SLC9B2: variants seen among roughly 807,000 people sequenced by gnomAD.
The protein encoded by SLC9B2 is sodium/hydrogen exchanger 9B2.
In SLC9B2, 39 loss-of-function variants were observed where a neutral mutation model predicts 52.2. The observed-to-expected ratio is 0.75, with a 90% CI of 0.58 to 0.98. SLC9B2 has a LOEUF of 0.98. Ranked by LOEUF, SLC9B2 falls within the 50% of genes least tolerant of loss-of-function variation. The probability of loss-of-function intolerance (pLI) is 0.00; values close to 1 mark genes in which losing one functional copy is unlikely to be tolerated. For missense variants in SLC9B2, 626 were observed against 637.5 expected (o/e 0.98, Z 0.19); for synonymous variants, 214 against 227.0 (o/e 0.94, Z 0.51).
intron 8 of SLC9B2, among the ~76,000 whole-genome samples, chr4:103,044,164 G>A (rs988064816): frequency 6.6e-6 from 1 of 152,132 alleles, no homozygotes; most frequent in African/African-American, 2.4e-5. Context: ...CAGTTCCACC[G>A]CTTTCTAGCT....
chr4:103,063,771 G>C (rs906434711), intron 3 of SLC9B2, among the ~76,000 whole-genome samples: 2 of 152,192 alleles, frequency 1.3e-5, no homozygotes, highest in South Asian at 4.1e-4. Context: ...CAGAATGGGA[G>C]AGAGCAGTTG....
intron 3 of SLC9B2, among the ~76,000 whole-genome samples, chr4:103,064,737 A>C (rs566654169): frequency 1.6e-3 from 251 of 152,356 alleles, no homozygotes; most frequent in Admixed American, 2.9e-3. Context: ...TTGAAACATC[A>C]TATTGTACCC....
chr4:103,045,233 T>G (rs1464452585), intron 7 of SLC9B2, among the ~76,000 whole-genome samples: 1 of 152,162 alleles, frequency 6.6e-6, no homozygotes, highest in East Asian at 1.9e-4. Flanking sequence ...AAAATTATAT[T>G]AAAGTTTCTC....
chr4:103,061,156 C>T (rs555447882), intron 3 of SLC9B2, among the ~76,000 whole-genome samples: 1 of 152,310 alleles, frequency 6.6e-6, no homozygotes, highest in South Asian at 2.1e-4. Context: ...CATCCCATTA[C>T]TGGTATATAC....
chr4:103,062,655 T>C (rs1177088901), intron 3 of SLC9B2, among the ~76,000 whole-genome samples: 1 of 152,206 alleles, frequency 6.6e-6, no homozygotes, highest in African/African-American at 2.4e-5. Flanking sequence ...AGTTTCACTC[T>C]TGTCACCCAG....
Position 103,023,992 on chromosome 4 carries a change from C to T in SLC9B2, c.*2378G>A, listed in dbSNP as rs1403224145. Among the ~76,000 whole-genome samples, 2 of 152,138 alleles carry T rather than the reference C, an allele frequency of 1.3e-5. No individual in the cohort carries two copies. The highest frequency in any genetic ancestry group is 2.9e-5 in the Non-Finnish European group (2 of 68,030). ...TTACATCCCTTTTGCTGGCTAAGTCCTAATCTTCCCTCAGCCAATGCCCTA... is the reference window on the plus strand; with the variant it reads ...TTACATCCCTTTTGCTGGCTAAGTCTTAATCTTCCCTCAGCCAATGCCCTA... On this transcript the variant is annotated 3_prime_UTR_variant, in exon 12 of 12. Coordinates refer to ENST00000394785, the MANE Select transcript of SLC9B2 (RefSeq NM_178833.7).
chr4:103,061,497 C>T (rs560678988), intron 3 of SLC9B2, among the ~76,000 whole-genome samples: 26 of 151,688 alleles, frequency 1.7e-4, no homozygotes, highest in East Asian at 3.9e-4. Context: ...TATCACACAC[C>T]GGGGCCTGTT....
intron 3 of SLC9B2, among the ~76,000 whole-genome samples, chr4:103,061,831 G>A (rs1442088059): frequency 6.6e-6 from 1 of 152,066 alleles, no homozygotes; most frequent in Non-Finnish European, 1.5e-5. Context: ...TGATGTCCTT[G>A]GTTTGTGACA....
At position 103,022,888 on chromosome 4, in the gene SLC9B2, G is replaced by A. The variant is rs1244484534; in HGVS notation, c.*3482C>T. Among the ~76,000 whole-genome samples the A allele has an allele frequency of 6.6e-6, 1 of 152,180 alleles. No individual in the cohort carries two copies. Among genetic ancestry groups the A allele is most frequent in the Non-Finnish European group, 1.5e-5 (1 of 68,034 alleles). On this transcript the variant is annotated 3_prime_UTR_variant, in exon 12 of 12. Transcript: ENST00000394785. ...TACCCTTATAAGAAGAGACACCAGAGAGCTTGCTTGCTCTCTCTCGGCATC... is the reference window on the plus strand; with the variant it reads ...TACCCTTATAAGAAGAGACACCAGAAAGCTTGCTTGCTCTCTCTCGGCATC...
chr4:103,043,074 C>T (rs1045317588), intron 9 of SLC9B2, among the ~76,000 whole-genome samples: 1 of 151,580 alleles, frequency 6.6e-6, no homozygotes, highest in African/African-American at 2.4e-5. Context: ...GAAGGCATTA[C>T]GGTAGTATGA....
Position 103,028,778 on chromosome 4 carries a change from G to A in SLC9B2, c.1361C>T (p.Ser454Phe), listed in dbSNP as rs1041815919. The A allele has an allele frequency of 6.2e-7, 1 of 1,608,050 alleles. No homozygotes were observed. ...GFNLKEKIFISFAWLPKATVQ... is the reference protein window; with the variant it reads ...GFNLKEKIFIFFAWLPKATVQ... ...TGTGGCCTTTGGAAGCCATGCAAAA[G>A]AAATAAATATCTTTTCTTTTAAGTT... The change falls in exon 11 of 12, where the codon TCT (serine) becomes TTT (phenylalanine). Residue 454 changes from serine (S) to phenylalanine (F), a missense_variant. Transcript: ENST00000394785.
At chr4:103,021,721 G>A (rs1195404866), downstream of SLC9B2, among the ~76,000 whole-genome samples, 1 of 152,168 alleles carries the variant, frequency 6.6e-6, no homozygotes, top group Non-Finnish European at 1.5e-5. Context: ...TTTAGCCAAT[G>A]ATCTATTTAG....
intron 9 of SLC9B2, among the ~76,000 whole-genome samples, chr4:103,041,558 T>G (rs1743644647): frequency 6.6e-6 from 1 of 152,178 alleles, no homozygotes; most frequent in Admixed American, 6.5e-5. Flanking sequence ...CTCCTTCATT[T>G]CTCTGTTGCT....
chr4:103,067,816 C>T (rs1746282265), intron 1 of SLC9B2, among the ~76,000 whole-genome samples: 1 of 152,032 alleles, frequency 6.6e-6, no homozygotes, highest in Admixed American at 6.6e-5. Flanking sequence ...CCTTTGTTGA[C>T]CAATCACATT....
At chr4:103,040,029 G>T (rs1423437592) in intron 9 of SLC9B2, among the ~76,000 whole-genome samples, 2 of 151,878 alleles carry the variant, frequency 1.3e-5, no homozygotes, top group Non-Finnish European at 2.9e-5. Flanking sequence ...GTATTTGTAG[G>T]CCTTGGTTTC....
intron 9 of SLC9B2, among the ~76,000 whole-genome samples, 164 bp from the exon 10 acceptor site, chr4:103,031,972 G>T (rs771058557): frequency 1.3e-5 from 2 of 152,092 alleles, no homozygotes; most frequent in Non-Finnish European, 2.9e-5. Flanking sequence ...ACTGCATGAA[G>T]ATCTTTCTAT....
intron 9 of SLC9B2, among the ~76,000 whole-genome samples, chr4:103,042,918 T>C (rs544075232): frequency 2.0e-5 from 3 of 152,144 alleles, no homozygotes; most frequent in African/African-American, 7.2e-5. Context: ...TCATATAAAA[T>C]AATTGTGTTT....
At chr4:103,066,758 C>T (rs1370057237) in intron 2 of SLC9B2, among the ~76,000 whole-genome samples, 2 of 152,086 alleles carry the variant, frequency 1.3e-5, no homozygotes, top group African/African-American at 2.4e-5. Context: ...ATCTGAAATG[C>T]TCCAAAATCT....
At chr4:103,071,210 T>C (rs1262382475) in intron 1 of SLC9B2, among the ~76,000 whole-genome samples, 1 of 151,770 alleles carries the variant, frequency 6.6e-6, no homozygotes, top group East Asian at 1.9e-4. Flanking sequence ...TTGTTGTTGT[T>C]GTTGTTTTTT....
Sources: gnomAD v4.1 joint callset for allele counts (sites outside exome capture counted in the v4.1 genomes callset) on GRCh38, gnomAD v4.1.1 for gene constraint, MANE v1.5 for transcripts, NCBI Gene and HGNC (gene_info 2026-07-23, HGNC 2026-07-21) for gene names.